The following IGF1R variants were observed in gnomAD, a reference collection of about 807,000 sequenced individuals.
IGF1R encodes the protein insulin-like growth factor 1 receptor.
IGF1R carries 44 observed loss-of-function variants against 144.6 expected under a neutral mutation model. The ratio of observed to expected loss-of-function variants is 0.30; its 90% CI spans 0.24 to 0.39. The LOEUF is 0.39. Among genes scored for constraint, IGF1R ranks in the 10% least tolerant of loss-of-function variants. The pLI, the probability that IGF1R is intolerant of heterozygous loss-of-function variation, is 1.00. For missense variants in IGF1R, 1,355 were observed against 1,833.7 expected, an observed-to-expected ratio of 0.74 and a Z score of 4.77; for synonymous variants, 795 against 722.8, an observed-to-expected ratio of 1.10 and a Z score of -1.60.
chr15:98,692,204 G>C (rs1014880720), intron 1 of IGF1R, among the ~76,000 whole-genome samples: 8 of 152,150 alleles, frequency 5.3e-5, no homozygotes, highest in African/African-American at 1.9e-4. Flanking sequence ...TGGGCATGGT[G>C]GTGCTTGCTT....
At chr15:98,775,422 G>A (rs956578398) in intron 2 of IGF1R, among the ~76,000 whole-genome samples, 8 of 152,136 alleles carry the variant, frequency 5.3e-5, no homozygotes, top group Admixed American at 6.5e-5. Context: ...CTGGGCATCC[G>A]TGTTTTCGAG....
chr15:98,870,306 T>C (rs2012716719), intron 2 of IGF1R, among the ~76,000 whole-genome samples: 1 of 152,244 alleles, frequency 6.6e-6, no homozygotes, highest in African/African-American at 2.4e-5. Flanking sequence ...AATAAGTCTT[T>C]GATTGTAAAC....
chr15:98,868,224 G>A (rs980326739), intron 2 of IGF1R, among the ~76,000 whole-genome samples: 1 of 145,930 alleles, frequency 6.9e-6, no homozygotes, highest in Non-Finnish European at 1.5e-5. Context: ...GTGCACACCT[G>A]TAGTCCCAGA....
chr15:98,887,424 C>T (rs1215991630), intron 2 of IGF1R, among the ~76,000 whole-genome samples: 2 of 128,072 alleles, frequency 1.6e-5, no homozygotes, highest in African/African-American at 3.2e-5. Flanking sequence ...TTCTTTTCAA[C>T]GTTCTTATTA....
intron 2 of IGF1R, among the ~76,000 whole-genome samples, chr15:98,868,103 T>C (rs1269856743): frequency 6.6e-6 from 1 of 151,848 alleles, no homozygotes. Flanking sequence ...CAGAGAAGTG[T>C]TTGAACCCGG....
At chr15:98,835,226 C>A (rs559495167) in intron 2 of IGF1R, among the ~76,000 whole-genome samples, 1 of 151,698 alleles carries the variant, frequency 6.6e-6, no homozygotes, top group South Asian at 2.1e-4. Context: ...CACCCACACA[C>A]CAGGATTTGA....
intron 2 of IGF1R, among the ~76,000 whole-genome samples, chr15:98,788,626 C>T (rs918767743): frequency 1.3e-5 from 2 of 152,188 alleles, no homozygotes; most frequent in African/African-American, 4.8e-5. Context: ...AGTTTGCAAA[C>T]GGTCTATACT....
At chr15:98,857,740 GA>G (rs2011910363) in intron 2 of IGF1R, among the ~76,000 whole-genome samples, 1 of 152,116 alleles carries the variant, frequency 6.6e-6, no homozygotes, top group Admixed American at 6.5e-5. Context: ...ATTTAAATTT[GA>G]ATAGCTACAT....
intron 8 of IGF1R, among the ~76,000 whole-genome samples, chr15:98,913,837 G>C (rs945320566): frequency 6.6e-6 from 1 of 152,142 alleles, no homozygotes; most frequent in African/African-American, 2.4e-5. Context: ...TCCAGATCTG[G>C]AAACAGTAAA....
intron 20 of IGF1R, among the ~76,000 whole-genome samples, chr15:98,952,303 AACACACACAC>A (rs143223923): frequency 1.7e-4 from 25 of 146,572 alleles, no homozygotes; most frequent in Non-Finnish European, 3.0e-4. Flanking sequence ...GTACCCCACC[AACACACACAC>A]ACACACACAC....
At position 98,957,758 on chromosome 15, in the gene IGF1R, CTGTTCTCCCTTTCT is replaced by C; in HGVS notation, c.*317_*330del. The C allele has an allele frequency of 2.3e-6, 1 of 441,316 alleles. No individual in the cohort carries two copies. The highest frequency in any genetic ancestry group is 3.9e-5 in the Admixed American group (1 of 25,346). The allele number at this position is 441,316 out of a possible 1,614,324, so 27.3% of individuals were successfully genotyped here. ...CTCCTCACTCTGTCCCTGTCCTTCC[CTGTTCTCCCTTTCT>C]CTCTCCTCTCTGCTTCATAACGGAA... On this transcript the variant is annotated 3_prime_UTR_variant, in exon 21 of 21. Coordinates refer to ENST00000650285, the MANE Select transcript of IGF1R (RefSeq NM_000875.5).
intron 1 of IGF1R, among the ~76,000 whole-genome samples, chr15:98,706,237 T>A (rs1436598273): frequency 6.6e-6 from 1 of 152,246 alleles, no homozygotes; most frequent in Non-Finnish European, 1.5e-5. Context: ...GCATTTCTCG[T>A]GGTATCATAC....
intron 2 of IGF1R, among the ~76,000 whole-genome samples, chr15:98,728,149 T>A (rs2054410597): frequency 6.6e-6 from 1 of 151,982 alleles, no homozygotes; most frequent in South Asian, 2.1e-4. Context: ...TAACTAAGTA[T>A]TTTTGCTCTG....
chr15:98,694,778 G>A (rs949480795), intron 1 of IGF1R, among the ~76,000 whole-genome samples: 14 of 152,326 alleles, frequency 9.2e-5, no homozygotes, highest in African/African-American at 2.6e-4. Flanking sequence ...TGTGATCTGC[G>A]CATCAGCACT....
chr15:98,920,544 T>C (rs1185358014), intron 10 of IGF1R, among the ~76,000 whole-genome samples: 1 of 152,216 alleles, frequency 6.6e-6, no homozygotes, highest in African/African-American at 2.4e-5. Context: ...AATTTGTTGA[T>C]GATGTGTTGA....
intron 2 of IGF1R, among the ~76,000 whole-genome samples, chr15:98,829,827 C>G (rs2056968529): frequency 6.6e-6 from 1 of 152,212 alleles, no homozygotes; most frequent in African/African-American, 2.4e-5. Flanking sequence ...GAATTGACCA[C>G]TGCTATGTTT....
chr15:98,782,373 T>C (rs2055880252), intron 2 of IGF1R, among the ~76,000 whole-genome samples: 2 of 152,194 alleles, frequency 1.3e-5, no homozygotes, highest in South Asian at 4.1e-4. Flanking sequence ...TTTTTTACAA[T>C]GAAAATACAT....
intron 1 of IGF1R, among the ~76,000 whole-genome samples, chr15:98,665,447 C>G (rs2141185381): frequency 6.6e-6 from 1 of 152,176 alleles, no homozygotes; most frequent in South Asian, 2.1e-4. Context: ...TTTGCGTTAT[C>G]AATGTGAACT....
chr15:98,877,303 A>G (rs2013106643), intron 2 of IGF1R, among the ~76,000 whole-genome samples: 2 of 152,122 alleles, frequency 1.3e-5, no homozygotes, highest in Admixed American at 1.3e-4. Flanking sequence ...AATATATAAT[A>G]CAAACTTAAG....
Sources: allele counts gnomAD v4.1 joint callset (sites outside exome capture counted in the v4.1 genomes callset), GRCh38; gene constraint gnomAD v4.1.1; transcripts MANE v1.5; gene names NCBI Gene and HGNC (gene_info 2026-07-23, HGNC 2026-07-21).